The following SCO1 variants were observed in gnomAD, a reference collection of about 807,000 sequenced individuals.
SCO1 encodes cytochrome c oxidase assembly factor SCO1.
In SCO1, 23 loss-of-function variants were observed where a neutral mutation model predicts 34.0. The ratio of observed to expected loss-of-function variants is 0.68; its 90% CI spans 0.49 to 0.96. SCO1 has a LOEUF of 0.96. Among genes scored for constraint, SCO1 ranks in the 40% least tolerant of loss-of-function variants. The probability of loss-of-function intolerance (pLI) is 0.00; values close to 1 mark genes in which losing one functional copy is unlikely to be tolerated. For synonymous variants in SCO1, 161 were observed against 145.5 expected (o/e 1.11, Z -0.77); for missense variants, 404 against 381.6 (o/e 1.06, Z -0.49).
Position 10,676,934 on chromosome 17 carries a change from A to C in SCO1, c.*4185T>G, listed in dbSNP as rs1333161560. ...TAAGGAATATGTGGCTAAAGAGGCT[A>C]TTACTTGAATCTTGTTAATGAATAG... is the stretch of plus-strand genomic sequence containing the variant. On this transcript the variant is annotated 3_prime_UTR_variant, in exon 6 of 6. Transcript: ENST00000255390. 6.6e-6 allele frequency: 1 copy of C among 152,240 alleles called. No individual in the cohort carries two copies. The highest frequency in any genetic ancestry group is 1.5e-5 in the Non-Finnish European group (1 of 68,046). 9.4% of individuals were successfully genotyped at this position (152,240 alleles called of 1,614,324 possible).
At chr17:10,686,232 A>G (rs1303308708) in intron 5 of SCO1, among the ~76,000 whole-genome samples, 1 of 151,420 alleles carries the variant, frequency 6.6e-6, no homozygotes, top group Admixed American at 6.6e-5. Context: ...ACGGAGTGAG[A>G]CTCCGTCTCG....
intron 4 of SCO1, among the ~76,000 whole-genome samples, chr17:10,691,070 T>C (rs1190263638): frequency 6.6e-6 from 1 of 152,192 alleles, no homozygotes; most frequent in African/African-American, 2.4e-5. Context: ...ACCCCATAAA[T>C]ATGTACAACT....
Position 10,676,949 on chromosome 17 carries a change from T to A in SCO1, c.*4170A>T, listed in dbSNP as rs903428136. ...TAAAGAGGCTATTACTTGAATCTTG[T>A]TAATGAATAGAAATAACCGTCCATT... is the stretch of plus-strand genomic sequence containing the variant. On this transcript the variant is annotated 3_prime_UTR_variant, in exon 6 of 6. Transcript: ENST00000255390. 5 of 152,250 alleles carry A rather than the reference T, an allele frequency of 3.3e-5. No individual in the cohort carries two copies. The highest frequency in any genetic ancestry group is 5.9e-5 in the Non-Finnish European group (4 of 68,052). The allele number at this position is 152,250 out of a possible 1,614,324, so 9.4% of individuals were successfully genotyped here. A position where few individuals can be genotyped will look rare whatever the true frequency, so the allele number is the denominator to read the frequency against.
intron 1 of SCO1, 114 bp downstream of exon 1, chr17:10,697,121 G>T: frequency 9.4e-7 from 1 of 1,062,144 alleles, no homozygotes; most frequent in Non-Finnish European, 1.3e-6. Flanking sequence ...CGCAAGCTAA[G>T]GACAACTTTA....
chr17:10,674,953 A>G lies in SCO1; in HGVS notation c.*6166T>C, dbSNP rs1337325981. 1 of 152,224 alleles carries G rather than the reference A, an allele frequency of 6.6e-6. No homozygotes were observed. Among genetic ancestry groups the G allele is most frequent in the African/African-American group, 2.4e-5 (1 of 41,418 alleles). The allele number at this position is 152,224 out of a possible 1,614,324, so 9.4% of individuals were successfully genotyped here. On this transcript the variant is annotated 3_prime_UTR_variant, in exon 6 of 6. Transcript: ENST00000255390. ...CAGAGTGGTCCGGAGCTTGACTGACAACGACCAGCTGCTGCTCACCACAGC... is the reference window on the plus strand; with the variant it reads ...CAGAGTGGTCCGGAGCTTGACTGACGACGACCAGCTGCTGCTCACCACAGC...
intron 2 of SCO1, among the ~76,000 whole-genome samples, chr17:10,694,460 C>A (rs1220273982): frequency 6.6e-6 from 1 of 152,060 alleles, no homozygotes; most frequent in African/African-American, 2.4e-5. Flanking sequence ...ATAAACAATA[C>A]CCTGAAGATT....
intron 4 of SCO1, among the ~76,000 whole-genome samples, chr17:10,690,897 G>A (rs1026012498): frequency 7.9e-5 from 12 of 152,170 alleles, no homozygotes; most frequent in Admixed American, 7.9e-4. Flanking sequence ...ATGGAGATGA[G>A]CCTGGAGGAT....
At chr17:10,682,104 T>C (rs2074625530) in intron 5 of SCO1, among the ~76,000 whole-genome samples, 1 of 152,210 alleles carries the variant, frequency 6.6e-6, no homozygotes, top group Non-Finnish European at 1.5e-5. Flanking sequence ...CATCAGATTT[T>C]TTAGTTAGAC....
rs775792883 is a variant in SCO1, at chr17:10,692,796, A to T, written c.530T>A (p.Leu177Gln). ...ATCCACGACTTGAATCATCTTTTCTAGTTCTTCTGGACAGACATCAGGGCA... is the reference window on the plus strand; with the variant it reads ...ATCCACGACTTGAATCATCTTTTCTTGTTCTTCTGGACAGACATCAGGGCA... Reference protein sequence around the residue: ...THCPDVCPEELEKMIQVVDEI... With the variant: ...THCPDVCPEEQEKMIQVVDEI... The change falls in exon 3 of 6, where the codon CTA becomes CAA. Residue 177 changes from leucine to glutamine, a missense_variant. Leu to Gln is a moderately radical substitution (Grantham distance 113). Coordinates refer to ENST00000255390, the MANE Select transcript of SCO1 (RefSeq NM_004589.4). 3.1e-6 allele frequency: 5 copies of T among 1,614,136 alleles called. No individual in the cohort carries two copies. The South Asian group carries it at 5.5e-5, about 18-fold the overall frequency.
In SCO1 at chr17:10,678,577, A is replaced by G. The variant is rs1376511718; in HGVS notation, c.*2542T>C. The G allele has an allele frequency of 2.6e-5, 4 of 152,224 alleles. No individual in the cohort carries two copies. Among genetic ancestry groups the G allele is most frequent in the Non-Finnish European group, 5.9e-5 (4 of 68,038 alleles). 9.4% of individuals were successfully genotyped at this position (152,224 alleles called of 1,614,324 possible). On this transcript the variant is annotated 3_prime_UTR_variant, in exon 6 of 6. Transcript: ENST00000255390. ...AATGTTTTGTGGCTTAAAACAGATAATCTTTTTAAAGATTTGGCCTTTGAG... is the reference window on the plus strand; with the variant it reads ...AATGTTTTGTGGCTTAAAACAGATAGTCTTTTTAAAGATTTGGCCTTTGAG...
intron 5 of SCO1, among the ~76,000 whole-genome samples, chr17:10,683,197 TCTA>T: frequency 6.6e-6 from 1 of 152,286 alleles, no homozygotes; most frequent in East Asian, 1.9e-4. Flanking sequence ...ATTCTCTGCA[TCTA>T]CTATGTGTAT....
chr17:10,675,908 T>C lies in SCO1; in HGVS notation c.*5211A>G, dbSNP rs1006937110. 2.0e-5 allele frequency: 3 copies of C among 152,170 alleles called. No individual in the cohort carries two copies. The highest frequency in any genetic ancestry group is 7.2e-5 in the African/African-American group (3 of 41,440). The allele number at this position is 152,170 out of a possible 1,614,324, so 9.4% of individuals were successfully genotyped here. On this transcript the variant is annotated 3_prime_UTR_variant, in exon 6 of 6. Transcript: ENST00000255390. Reference sequence around the variant, plus strand: ...GGGTGCAAACATGGACAAAGTCACATGTATGACATGGAGACAACACATCCC... The same window carrying C: ...GGGTGCAAACATGGACAAAGTCACACGTATGACATGGAGACAACACATCCC...
intron 4 of SCO1, among the ~76,000 whole-genome samples, chr17:10,691,170 A>G (rs2074687170): frequency 6.6e-6 from 1 of 152,196 alleles, no homozygotes. Context: ...CCCAGGCTGA[A>G]GATCAGTGGC....
At position 10,680,986 on chromosome 17, in the gene SCO1, C is replaced by T; in HGVS notation, c.*133G>A. 1 of 1,115,604 alleles carries T rather than the reference C, an allele frequency of 9.0e-7. No homozygotes were observed. The allele number at this position is 1,115,604 out of a possible 1,614,324, so 69.1% of individuals were successfully genotyped here. ...GCAAGGGTAACATCCCCATCCAAAACAGAAATGTTCTCATGGTATGAAGGC... is the reference window on the plus strand; with the variant it reads ...GCAAGGGTAACATCCCCATCCAAAATAGAAATGTTCTCATGGTATGAAGGC... On this transcript the variant is annotated 3_prime_UTR_variant, in exon 6 of 6. Coordinates refer to ENST00000255390, the MANE Select transcript of SCO1 (RefSeq NM_004589.4).
At chr17:10,695,178 T>C (rs971567514) in intron 2 of SCO1, among the ~76,000 whole-genome samples, 5 of 152,216 alleles carry the variant, frequency 3.3e-5, no homozygotes, top group African/African-American at 1.2e-4. Context: ...ACTCGCACTA[T>C]GCTCCTTGCC....
Position 10,697,530 on chromosome 17 carries a change from T to C in SCO1, c.-23A>G. 1.9e-6 allele frequency: 3 copies of C among 1,612,630 alleles called. No individual in the cohort carries two copies. The highest frequency in any genetic ancestry group is 2.5e-6 in the Non-Finnish European group (3 of 1,179,666). ...CATGAGCCTCGGAGACCGGGTCTCC[T>C]TTGACCCTCCCCGCGATTTCCGGTA... is the stretch of plus-strand genomic sequence containing the variant. On this transcript the variant is annotated 5_prime_UTR_variant, in exon 1 of 6. Transcript: ENST00000255390.
chr17:10,692,729 C>A (rs999613968), intron 3 of SCO1, 35 bp downstream of exon 3: 2 of 1,558,168 alleles, frequency 1.3e-6, no homozygotes, highest in African/African-American at 1.4e-5. Context: ...ATGAAGTAAA[C>A]ATATACTTTG....
intron 3 of SCO1, among the ~76,000 whole-genome samples, chr17:10,692,405 G>A (rs760383489): frequency 6.6e-6 from 1 of 152,136 alleles, no homozygotes; most frequent in Admixed American, 6.5e-5. Context: ...CTTCTTACTA[G>A]TACTAGTAAA....
Position 10,691,932 on chromosome 17 carries a change from G to A in SCO1, c.595C>T (p.Leu199Phe), listed in dbSNP as rs1480651487. 6 of 1,613,488 alleles carry A rather than the reference G, an allele frequency of 3.7e-6. No homozygotes were observed. Among genetic ancestry groups the A allele is most frequent in the Middle Eastern group, 1.6e-4 (1 of 6,084 alleles). Reference sequence around the variant, plus strand: ...CTCTCTGGGTCAATGCTGATGAAAAGTGGAGTTAGATCTGGCAGAGTTGTA... The same window carrying A: ...CTCTCTGGGTCAATGCTGATGAAAAATGGAGTTAGATCTGGCAGAGTTGTA... ...SITTLPDLTP[L>F]FISIDPERDT... is the part of the protein sequence containing the mutation. Residue 199 changes from leucine (L) to phenylalanine (F), a missense_variant, in exon 4 of 6, where the codon CTT becomes TTT. By Grantham distance (22) the Leu-to-Phe change is conservative. Coordinates refer to ENST00000255390, the MANE Select transcript of SCO1 (RefSeq NM_004589.4).
Sources: gnomAD v4.1 joint callset for allele counts (sites outside exome capture counted in the v4.1 genomes callset) on GRCh38, gnomAD v4.1.1 for gene constraint, MANE v1.5 for transcripts, NCBI Gene and HGNC (gene_info 2026-07-23, HGNC 2026-07-21) for gene names.